The following TXLNB variants were observed in gnomAD, a reference collection of about 807,000 sequenced individuals.
TXLNB encodes taxilin beta, also known as beta-taxilin.
TXLNB carries 37 observed loss-of-function variants against 57.4 expected under a neutral mutation model. That is an observed-to-expected ratio of 0.64 (90% CI 0.50 to 0.85). The LOEUF (loss-of-function observed/expected upper bound fraction) is 0.85. Among genes scored for constraint, TXLNB ranks in the 40% least tolerant of loss-of-function variants. The pLI is 0.00. For synonymous variants in TXLNB, 302 were observed against 309.6 expected, an observed-to-expected ratio of 0.98 and a Z score of 0.26; for missense variants, 848 against 825.6, an observed-to-expected ratio of 1.03 and a Z score of -0.33.
intron 7 of TXLNB, among the ~76,000 whole-genome samples, chr6:139,253,293 GATTTTCCTTTTAAAAACTTAAAC>G (rs1776256057): frequency 6.6e-6 from 1 of 152,178 alleles, no homozygotes; most frequent in Non-Finnish European, 1.5e-5. Context: ...TGCATTAACT[GATTTTCCTTTTAAAAACTTAAAC>G]ATAGGCATAA....
chr6:139,172,042 G>A, the TXLNB span, among the ~76,000 whole-genome samples: 5 of 152,196 alleles, frequency 3.3e-5, no homozygotes, highest in East Asian at 9.7e-4. Flanking sequence ...TGTTGGCCAG[G>A]CTGGTCTCAA....
chr6:139,261,279 T>C (rs904430162), intron 5 of TXLNB, among the ~76,000 whole-genome samples: 1 of 152,200 alleles, frequency 6.6e-6, no homozygotes, highest in Non-Finnish European at 1.5e-5. Context: ...CTCCTTCCTA[T>C]CTTCTTTAGT....
At chr6:139,189,961 T>G in the TXLNB span, among the ~76,000 whole-genome samples, 1 of 152,218 alleles carries the variant, frequency 6.6e-6, no homozygotes, top group South Asian at 2.1e-4. Flanking sequence ...GCTGTGCCCA[T>G]TAGCTGTCTG....
chr6:139,251,934 A>T (rs1288953513), intron 7 of TXLNB, among the ~76,000 whole-genome samples: 1 of 152,154 alleles, frequency 6.6e-6, no homozygotes, highest in African/African-American at 2.4e-5. Flanking sequence ...TCCACAATTT[A>T]CCCACTCATC....
At chr6:139,228,999 C>G in the TXLNB span, among the ~76,000 whole-genome samples, 1 of 152,160 alleles carries the variant, frequency 6.6e-6, no homozygotes, top group Non-Finnish European at 1.5e-5. Context: ...GGGTAGGGCT[C>G]TGTGCTTGAT....
chr6:139,246,831 T>C (rs1373611497), intron 8 of TXLNB, among the ~76,000 whole-genome samples: 1 of 151,824 alleles, frequency 6.6e-6, no homozygotes, highest in Non-Finnish European at 1.5e-5. Flanking sequence ...GGAGAATTGC[T>C]TGAACCCGGA....
the TXLNB span, among the ~76,000 whole-genome samples, chr6:139,194,035 G>T: frequency 6.6e-6 from 1 of 151,344 alleles, no homozygotes; most frequent in Non-Finnish European, 1.5e-5. Flanking sequence ...TAGAGACGGG[G>T]TTTCACCGTG....
chr6:139,320,649 T>C, the TXLNB span, among the ~76,000 whole-genome samples: 2 of 152,208 alleles, frequency 1.3e-5, no homozygotes, highest in African/African-American at 2.4e-5. Flanking sequence ...TCATTTTTTT[T>C]TTTTACCAAC....
At chr6:139,236,741 AC>A, downstream of TXLNB, among the ~76,000 whole-genome samples, 1 of 152,266 alleles carries the variant, frequency 6.6e-6, no homozygotes, top group South Asian at 2.1e-4. Flanking sequence ...AGTAGCTGGG[AC>A]CACAGGTGCC....
chr6:139,226,393 A>T, the TXLNB span, among the ~76,000 whole-genome samples: 1 of 151,922 alleles, frequency 6.6e-6, no homozygotes, highest in African/African-American at 2.4e-5. Flanking sequence ...AAGTAGCACA[A>T]AGATGACAAA....
At chr6:139,256,890 G>T (rs912590811) in intron 6 of TXLNB, among the ~76,000 whole-genome samples, 1 of 152,200 alleles carries the variant, frequency 6.6e-6, no homozygotes, top group Non-Finnish European at 1.5e-5. Context: ...GATATCGGTG[G>T]CCTGTGGATT....
At chr6:139,304,220 C>T in the TXLNB span, among the ~76,000 whole-genome samples, 1 of 152,028 alleles carries the variant, frequency 6.6e-6, no homozygotes, top group African/African-American at 2.4e-5. Context: ...CTTGGCTCAT[C>T]GATTGTATCC....
Position 139,241,447 on chromosome 6 carries a change from T to C in TXLNB, c.*1079A>G, listed in dbSNP as rs1398414299. The C allele has an allele frequency of 6.6e-6, 1 of 152,252 alleles. No individual in the cohort carries two copies. The highest frequency in any genetic ancestry group is 1.5e-5 in the Non-Finnish European group (1 of 68,060). 9.4% of individuals were successfully genotyped at this position (152,252 alleles called of 1,614,324 possible). A position where few individuals can be genotyped will look rare whatever the true frequency, so the allele number is the denominator to read the frequency against. ...GTCTGACAGCAAGAGATGAATATTA[T>C]GTCTTGAGACATTGGTAGTGCAAGA... On this transcript the variant is annotated 3_prime_UTR_variant, in exon 10 of 10. Transcript: ENST00000358430.
the TXLNB span, among the ~76,000 whole-genome samples, chr6:139,313,886 C>A: frequency 6.6e-6 from 1 of 152,126 alleles, no homozygotes; most frequent in Non-Finnish European, 1.5e-5. Flanking sequence ...CTAGCTCAGG[C>A]CATGATGGAA....
intron 3 of TXLNB, among the ~76,000 whole-genome samples, chr6:139,274,916 G>A (rs1338905222): frequency 6.6e-6 from 1 of 152,178 alleles, no homozygotes; most frequent in Non-Finnish European, 1.5e-5. Context: ...ATGGAAACGT[G>A]AGAGTGGGGG....
the TXLNB span, chr6:139,170,231 AT>A: frequency 3.3e-5 from 5 of 152,210 alleles, no homozygotes; most frequent in African/African-American, 1.2e-4. Context: ...TTTTCTATCC[AT>A]GATGGACAGA....
chr6:139,242,679 T>C lies in TXLNB; in HGVS notation c.1902A>G (p.Ala634=). The change falls in exon 10 of 10, where the codon GCA becomes GCG. Residue 634 remains alanine (A), a synonymous_variant. Transcript: ENST00000358430. ...CTGCAACGTGCTCTTCTGCTGCGCA[T>C]GCTGGAGCAGGCACATCTGCCTCCA... The part of the protein sequence containing the change: ...QKMEADVPAP[A]CAAEEHVAAM... 6.2e-7 allele frequency: 1 copy of C among 1,611,420 alleles called. No homozygotes were observed. The highest frequency in any genetic ancestry group is 8.5e-7 in the Non-Finnish European group (1 of 1,178,982).
chr6:139,194,736 A>G, the TXLNB span, among the ~76,000 whole-genome samples: 1 of 152,174 alleles, frequency 6.6e-6, no homozygotes, highest in Non-Finnish European at 1.5e-5. Flanking sequence ...AAACTGTATA[A>G]TGTTTTTCTT....
downstream of TXLNB, among the ~76,000 whole-genome samples, chr6:139,235,873 C>T (rs909958943): frequency 3.9e-5 from 6 of 152,274 alleles, no homozygotes; most frequent in Non-Finnish European, 5.9e-5. Flanking sequence ...AGCGGAAGAA[C>T]GCACAGGCAG....
Sources: gnomAD v4.1 joint callset for allele counts (sites outside exome capture counted in the v4.1 genomes callset) on GRCh38, gnomAD v4.1.1 for gene constraint, MANE v1.5 for transcripts, NCBI Gene and HGNC (gene_info 2026-07-23, HGNC 2026-07-21) for gene names.